The following MRTFB variants were observed in gnomAD, a reference collection of about 807,000 sequenced individuals.
MRTFB encodes the protein myocardin related transcription factor B.
MRTFB carries 29 observed loss-of-function variants against 104.2 expected under a neutral mutation model. That is an observed-to-expected ratio of 0.28 (90% CI 0.21 to 0.38). MRTFB has a LOEUF of 0.38. Among genes scored for constraint, MRTFB ranks in the 10% least tolerant of loss-of-function variants. The probability of loss-of-function intolerance (pLI) is 1.00; values close to 1 mark genes in which losing one functional copy is unlikely to be tolerated. For missense variants in MRTFB, 1,270 were observed against 1,341.6 expected, an observed-to-expected ratio of 0.95 and a Z score of 0.83; for synonymous variants, 535 against 519.5, an observed-to-expected ratio of 1.03 and a Z score of -0.41.
intron 2 of MRTFB, among the ~76,000 whole-genome samples, chr16:14,115,309 C>T (rs2036488023): frequency 6.6e-6 from 1 of 151,998 alleles, no homozygotes; most frequent in African/African-American, 2.4e-5. Context: ...TAGTTATTTC[C>T]CCAAATCCTA....
intron 2 of MRTFB, among the ~76,000 whole-genome samples, chr16:14,109,623 A>G (rs1432396961): frequency 6.6e-6 from 1 of 152,218 alleles, no homozygotes; most frequent in African/African-American, 2.4e-5. Flanking sequence ...GTTGACACCG[A>G]TGGAGAAGAT....
chr16:14,121,105 T>C (rs1453690224), intron 2 of MRTFB, among the ~76,000 whole-genome samples: 1 of 152,196 alleles, frequency 6.6e-6, no homozygotes, highest in Non-Finnish European at 1.5e-5. Flanking sequence ...CAGAAACTCT[T>C]TAAAACTGGT....
chr16:14,164,284 A>G (rs563850980), intron 3 of MRTFB, among the ~76,000 whole-genome samples: 2 of 152,282 alleles, frequency 1.3e-5, no homozygotes, highest in South Asian at 4.2e-4. Context: ...CTTAAGATCA[A>G]CTTTTTTACC....
At chr16:14,108,258 A>G (rs2036094513) in intron 2 of MRTFB, among the ~76,000 whole-genome samples, 4 of 152,190 alleles carry the variant, frequency 2.6e-5, no homozygotes, top group East Asian at 1.9e-4. Context: ...GCATGTCTCT[A>G]TTGCTCTTTC....
intron 1 of MRTFB, among the ~76,000 whole-genome samples, chr16:14,074,797 A>T (rs117632559): frequency 0.015 from 2,272 of 152,330 alleles, 21 homozygotes; most frequent in Non-Finnish European, 0.021. Flanking sequence ...TTTAAACTAG[A>T]ATTCTTTACT....
At chr16:14,250,823 G>A (rs77930804) in intron 13 of MRTFB, among the ~76,000 whole-genome samples, 1,902 of 152,300 alleles carry the variant, frequency 0.012, 41 homozygotes, top group African/African-American at 0.043. Flanking sequence ...AAGCGGCGTC[G>A]CTGAGATGTG....
Position 14,182,473 on chromosome 16 carries a change from T to C in MRTFB, c.155-27770T>C, listed in dbSNP as rs554526850. 3.9e-5 allele frequency among the ~76,000 whole-genome samples: 6 copies of C among 152,316 alleles called. No individual in the cohort carries two copies. The South Asian group carries it at 1.2e-3, about 32-fold the overall frequency. On this transcript the variant is annotated intron_variant, in intron 3 of 16. Transcript: ENST00000571589. Reference sequence around the variant, plus strand: ...GGATGAACTCATGGTTTTCAATACATATAAATAAATACAGACATACGTACT... The same window carrying C: ...GGATGAACTCATGGTTTTCAATACACATAAATAAATACAGACATACGTACT...
At position 14,265,544 on chromosome 16, in the gene MRTFB, T is replaced by C. The variant is rs771411022; in HGVS notation, c.*4100T>C. The C allele has an allele frequency of 1.3e-5, 2 of 152,232 alleles. No individual in the cohort carries two copies. The highest frequency in any genetic ancestry group is 2.9e-5 in the Non-Finnish European group (2 of 68,030). The allele number at this position is 152,232 out of a possible 1,614,324, so 9.4% of individuals were successfully genotyped here. A position where few individuals can be genotyped will look rare whatever the true frequency, so the allele number is the denominator to read the frequency against. Reference sequence around the variant, plus strand: ...TTCCTGGTTCAAACCTTCAATAACTTGCTCATTCAGCAGTCTCTCTGAGCT... The same window carrying C: ...TTCCTGGTTCAAACCTTCAATAACTCGCTCATTCAGCAGTCTCTCTGAGCT... On this transcript the variant is annotated 3_prime_UTR_variant, in exon 17 of 17. Transcript: ENST00000571589.
chr16:14,156,923 A>T (rs1036110558), intron 3 of MRTFB, among the ~76,000 whole-genome samples: 4 of 152,198 alleles, frequency 2.6e-5, no homozygotes, highest in Non-Finnish European at 4.4e-5. Context: ...TCACGGGTGC[A>T]GCTAACCATC....
At chr16:14,166,020 C>T in intron 3 of MRTFB, among the ~76,000 whole-genome samples, 1 of 152,254 alleles carries the variant, frequency 6.6e-6, no homozygotes, top group East Asian at 1.9e-4. Context: ...AGAAGTAGGA[C>T]ATGATTATTT....
chr16:14,022,360 C>G, the MRTFB span, among the ~76,000 whole-genome samples: 1 of 152,194 alleles, frequency 6.6e-6, no homozygotes, highest in African/African-American at 2.4e-5. Flanking sequence ...ATCATAATCC[C>G]ATTTGAGAGT....
At chr16:14,104,817 T>A (rs1191153137) in intron 2 of MRTFB, among the ~76,000 whole-genome samples, 2 of 152,226 alleles carry the variant, frequency 1.3e-5, no homozygotes, top group African/African-American at 4.8e-5. Context: ...ATTCATTGGA[T>A]AGCCCTCCCA....
intron 3 of MRTFB, among the ~76,000 whole-genome samples, chr16:14,166,530 T>C (rs766589915): frequency 6.6e-6 from 1 of 152,184 alleles, no homozygotes; most frequent in Non-Finnish European, 1.5e-5. Context: ...AGTTCCAGGA[T>C]ACATATGCAG....
chr16:13,999,177 T>A, the MRTFB span, among the ~76,000 whole-genome samples: 1 of 141,722 alleles, frequency 7.1e-6, no homozygotes, highest in Admixed American at 7.3e-5. Flanking sequence ...GAGATAAGAG[T>A]AAGACTCTGT....
At chr16:14,042,517 T>C in the MRTFB span, among the ~76,000 whole-genome samples, 1 of 152,204 alleles carries the variant, frequency 6.6e-6, no homozygotes, top group Non-Finnish European at 1.5e-5. Flanking sequence ...CTGTAGGCAA[T>C]CTCACTTGAA....
chr16:14,184,987 C>T (rs1181720608), intron 3 of MRTFB, among the ~76,000 whole-genome samples: 4 of 152,196 alleles, frequency 2.6e-5, no homozygotes, highest in Non-Finnish European at 4.4e-5. Context: ...TGCAAAACAG[C>T]TAATTAAGTG....
chr16:14,172,444 C>T lies in MRTFB; in HGVS notation c.154+31684C>T, dbSNP rs74009142. Among the ~76,000 whole-genome samples, 671 of 152,104 alleles carry T rather than the reference C, an allele frequency of 4.4e-3. 4 individuals are homozygous for T. Among genetic ancestry groups the T allele is most frequent in the African/African-American group, 0.011 (458 of 41,480 alleles). ...ATTCAGCCAGTCTCCTATGTGTGAA[C>T]ATTTTAGTTGTTTCTAAGATTTTCC... On this transcript the variant is annotated intron_variant, in intron 3 of 16. Transcript: ENST00000571589.
the MRTFB span, among the ~76,000 whole-genome samples, chr16:14,045,701 C>G: frequency 6.6e-6 from 1 of 152,208 alleles, no homozygotes; most frequent in South Asian, 2.1e-4. Flanking sequence ...TCAGTCTGCT[C>G]CACTGTAAAA....
intron 3 of MRTFB, chr16:14,143,529 A>C (rs943927887): frequency 7.9e-6 from 1 of 125,998 alleles, no homozygotes; most frequent in African/African-American, 3.2e-5. Context: ...TTTTTTTTAT[A>C]CTTTAAGTTT....
Sources: allele counts gnomAD v4.1 joint callset (sites outside exome capture counted in the v4.1 genomes callset), GRCh38; gene constraint gnomAD v4.1.1; transcripts MANE v1.5; gene names NCBI Gene and HGNC (gene_info 2026-07-23, HGNC 2026-07-21).